The following MAD1L1 variants were observed in gnomAD, a reference collection of about 807,000 sequenced individuals.
The protein encoded by MAD1L1 is mitotic spindle assembly checkpoint protein MAD1.
Under a neutral mutation model 96.9 loss-of-function variants are expected in MAD1L1, and 95 were observed. The ratio of observed to expected loss-of-function variants is 0.98; its 90% CI spans 0.83 to 1.16. The LOEUF (loss-of-function observed/expected upper bound fraction) is 1.16, where lower values mean the gene tolerates loss of function less well. Among genes scored for constraint, MAD1L1 ranks in the 50% most tolerant of loss-of-function variants. MAD1L1 has a pLI of 0.00. For missense variants in MAD1L1, 1,007 were observed against 954.4 expected, an observed-to-expected ratio of 1.06 and a Z score of -0.73; for synonymous variants, 473 against 396.6, an observed-to-expected ratio of 1.19 and a Z score of -2.29.
chr7:1,859,410 A>C (rs2128646091), intron 18 of MAD1L1, among the ~76,000 whole-genome samples: 1 of 152,328 alleles, frequency 6.6e-6, no homozygotes, highest in Admixed American at 6.5e-5. Context: ...GGGCAGAGCC[A>C]CAGGGATATG....
At chr7:1,907,740 C>T (rs542456241) in intron 17 of MAD1L1, among the ~76,000 whole-genome samples, 50 of 152,374 alleles carry the variant, frequency 3.3e-4, no homozygotes, top group African/African-American at 1.2e-3. Context: ...TCGGCAATAA[C>T]GTGTTCCTCT....
intron 18 of MAD1L1, among the ~76,000 whole-genome samples, chr7:1,865,717 T>G (rs1784746542): frequency 6.6e-6 from 1 of 152,266 alleles, no homozygotes; most frequent in South Asian, 2.1e-4. Context: ...TAATTAAGTT[T>G]GCACAGTTAA....
chr7:2,051,659 C>T (rs1377879428), intron 12 of MAD1L1, among the ~76,000 whole-genome samples: 1 of 142,070 alleles, frequency 7.0e-6, no homozygotes, highest in Non-Finnish European at 1.5e-5. Flanking sequence ...CACCAGCTGC[C>T]CTGCGCCTGC....
At position 2,232,919 on chromosome 7, in the gene MAD1L1, G is replaced by T. The variant is rs1340848855; in HGVS notation, c.-237C>A. On this transcript the variant is annotated 5_prime_UTR_variant, in exon 1 of 19. Transcript: ENST00000265854. ...GCCGCCGCCGCTCGGATCTCCCTCC[G>T]CTCCGCCGGCGCCCATTTATCGCGA... The T allele has an allele frequency of 6.6e-6, 1 of 152,210 alleles. No individual in the cohort carries two copies. Among genetic ancestry groups the T allele is most frequent in the African/African-American group, 2.4e-5 (1 of 41,452 alleles). The allele number at this position is 152,210 out of a possible 1,614,324, so 9.4% of individuals were successfully genotyped here. A position where few individuals can be genotyped will look rare whatever the true frequency, so the allele number is the denominator to read the frequency against.
intron 11 of MAD1L1, among the ~76,000 whole-genome samples, chr7:2,092,794 G>C (rs1024654589): frequency 1.3e-5 from 2 of 152,134 alleles, no homozygotes; most frequent in Non-Finnish European, 2.9e-5. Flanking sequence ...TCTTTAACAA[G>C]GCAAATTTAT....
At chr7:1,838,920 G>T (rs1199026927) in intron 18 of MAD1L1, 4 of 459,916 alleles carry the variant, frequency 8.7e-6, no homozygotes, top group East Asian at 7.0e-5. Flanking sequence ...GGAGGCTGGG[G>T]ACAAGGACAG....
chr7:1,978,597 C>G (rs1780752255), intron 15 of MAD1L1, among the ~76,000 whole-genome samples: 1 of 152,194 alleles, frequency 6.6e-6, no homozygotes, highest in African/African-American at 2.4e-5. Context: ...TGCCCGGTCT[C>G]CAGCTTCCCC....
intron 11 of MAD1L1, among the ~76,000 whole-genome samples, chr7:2,079,256 C>G: frequency 6.6e-6 from 1 of 152,222 alleles, no homozygotes; most frequent in South Asian, 2.1e-4. Flanking sequence ...TCCGAGAGGG[C>G]AGGTGCCCCA....
chr7:2,122,076 T>C (rs1788007789), intron 11 of MAD1L1, among the ~76,000 whole-genome samples: 2 of 152,080 alleles, frequency 1.3e-5, no homozygotes, highest in South Asian at 4.1e-4. Flanking sequence ...GTTTTAAAAG[T>C]GTCTTCCTGG....
chr7:2,216,074 C>T (rs1793258137), intron 8 of MAD1L1, 75 bp from the exon 9 acceptor site: 1 of 1,609,432 alleles, frequency 6.2e-7, no homozygotes, highest in Non-Finnish European at 8.5e-7. Flanking sequence ...GAGCCCTGCC[C>T]CTACAGGGTC....
chr7:1,864,827 T>G (rs1279408356), intron 18 of MAD1L1, among the ~76,000 whole-genome samples: 3 of 152,136 alleles, frequency 2.0e-5, no homozygotes, highest in Non-Finnish European at 2.9e-5. Flanking sequence ...CTGCGTACTC[T>G]CTGCACACAA....
intron 14 of MAD1L1, among the ~76,000 whole-genome samples, chr7:1,997,705 G>A (rs984424893): frequency 6.6e-6 from 1 of 152,262 alleles, no homozygotes; most frequent in African/African-American, 2.4e-5. Flanking sequence ...ACAGCCCAGT[G>A]CGGTGGCGGG....
intron 17 of MAD1L1, among the ~76,000 whole-genome samples, chr7:1,922,616 A>G (rs2128457110): frequency 6.6e-6 from 1 of 152,336 alleles, no homozygotes; most frequent in Non-Finnish European, 1.5e-5. Context: ...CTGCCTTTCC[A>G]GTCCGTGTGC....
At chr7:2,115,047 C>A (rs974627606) in intron 11 of MAD1L1, among the ~76,000 whole-genome samples, 1 of 152,222 alleles carries the variant, frequency 6.6e-6, no homozygotes, top group Non-Finnish European at 1.5e-5. Flanking sequence ...AGAGCCCGAA[C>A]AGCTGGAGGC....
At chr7:1,893,247 GGTCCCGGCTGGGATGGGAA>G (rs1404681953) in intron 18 of MAD1L1, among the ~76,000 whole-genome samples, 1 of 151,786 alleles carries the variant, frequency 6.6e-6, no homozygotes, top group African/African-American at 2.4e-5. Flanking sequence ...CAAGAGGTTT[GGTCCCGGCTGGGATGGGAA>G]GTCCTGGCTG....
chr7:2,071,696 G>A (rs549644189), intron 11 of MAD1L1, among the ~76,000 whole-genome samples: 8 of 152,318 alleles, frequency 5.3e-5, no homozygotes, highest in African/African-American at 1.4e-4. Flanking sequence ...AATTATGTCC[G>A]CCTGACAAGG....
intron 12 of MAD1L1, among the ~76,000 whole-genome samples, chr7:2,067,422 G>A (rs1423138921): frequency 1.3e-5 from 2 of 151,862 alleles, no homozygotes; most frequent in Admixed American, 6.5e-5. Context: ...TCCTCCCCCA[G>A]GAAGCTCTGA....
At chr7:1,887,963 C>T (rs1473178550) in intron 18 of MAD1L1, among the ~76,000 whole-genome samples, 1 of 146,438 alleles carries the variant, frequency 6.8e-6, no homozygotes, top group Non-Finnish European at 1.5e-5. Flanking sequence ...GTGTATGTGG[C>T]TGCCTATGCA....
intron 12 of MAD1L1, among the ~76,000 whole-genome samples, chr7:2,046,340 C>T (rs1374253744): frequency 6.6e-6 from 1 of 152,204 alleles, no homozygotes; most frequent in African/African-American, 2.4e-5. Context: ...AAGGCCCCCA[C>T]AACCTCAGGG....
Sources: allele counts gnomAD v4.1 joint callset (sites outside exome capture counted in the v4.1 genomes callset), GRCh38; gene constraint gnomAD v4.1.1; transcripts MANE v1.5; gene names NCBI Gene and HGNC (gene_info 2026-07-23, HGNC 2026-07-21).